Variants in CDKL1 observed in about 807,000 individuals in gnomAD.
CDKL1 encodes cyclin-dependent kinase-like 1.
A neutral mutation model predicts 42.0 loss-of-function variants in CDKL1; 41 were observed. The observed-to-expected ratio is 0.98, with a 90% CI of 0.76 to 1.27. The LOEUF is 1.27. CDKL1 is among the 50% of genes most tolerant of loss of function. The pLI is 0.00. For missense variants in CDKL1, 394 were observed against 428.4 expected, an observed-to-expected ratio of 0.92 and a Z score of 0.71; for synonymous variants, 153 against 158.6, an observed-to-expected ratio of 0.96 and a Z score of 0.26.
chr14:50,396,255 A>T lies in CDKL1; in HGVS notation c.-387T>A. On this transcript the variant is annotated 5_prime_UTR_variant, in exon 2 of 10. Coordinates refer to ENST00000395834, the MANE Select transcript of CDKL1 (RefSeq NM_004196.7). The stretch of plus-strand genomic sequence containing the variant: ...AAGAAAGGATCTTCACATAGTTTGA[A>T]AACGTCGCTTATAAAATATTGGCAC... The T allele has an allele frequency of 9.7e-7, 1 of 1,027,936 alleles. No individual in the cohort carries two copies. The highest frequency in any genetic ancestry group is 1.2e-6 in the Non-Finnish European group (1 of 857,186). The allele number at this position is 1,027,936 out of a possible 1,614,324, so 63.7% of individuals were successfully genotyped here.
intron 8 of CDKL1, 59 bp downstream of exon 8, chr14:50,334,506 T>C: frequency 2.2e-6 from 2 of 929,842 alleles, no homozygotes; most frequent in Non-Finnish European, 3.5e-6. Context: ...GTAATTCAGA[T>C]TCCCCAGTGA....
Position 50,395,746 on chromosome 14 carries a change from G to T in CDKL1, c.123C>A (p.Asp41Glu), listed in dbSNP as rs182019711. The T allele has an allele frequency of 6.8e-6, 11 of 1,613,758 alleles. No homozygotes were observed. The African/African-American group carries it at 1.5e-4, about 22-fold the overall frequency. ...AIKKFLESED[D>E]PVIKKIALRE... ...GAAGGGCAATTTTCTTTATGACAGG[G>T]TCATCTTCTGATTCCAGAAACTTCT... The change falls in exon 2 of 10, where the codon GAC becomes GAA. Residue 41 changes from aspartate (D) to glutamate (E), a missense_variant. Transcript: ENST00000395834.
chr14:50,341,319 C>G (rs1206511460), intron 5 of CDKL1, 87 bp from the exon 6 acceptor site: 6 of 1,469,348 alleles, frequency 4.1e-6, no homozygotes, highest in Non-Finnish European at 5.4e-6. Flanking sequence ...CAAGCCTGTG[C>G]CCAATTTTGT....
rs374407151 is a variant in CDKL1, at chr14:50,386,501, C to T, written c.168+9200G>A. Among the ~76,000 whole-genome samples, 10 of 152,116 alleles carry T rather than the reference C, an allele frequency of 6.6e-5. No individual in the cohort carries two copies. The South Asian group carries it at 1.4e-3, about 22-fold the overall frequency. On this transcript the variant is annotated intron_variant, in intron 2 of 9. Coordinates refer to ENST00000395834, the MANE Select transcript of CDKL1 (RefSeq NM_004196.7). ...TCTAACAGTTGATGAACTAATCTAG[C>T]GAAGGGTATGCAGGTATTCATTGCA... is the stretch of plus-strand genomic sequence containing the variant.
chr14:50,393,244 T>C (rs907340439), intron 2 of CDKL1, among the ~76,000 whole-genome samples: 2 of 152,134 alleles, frequency 1.3e-5, no homozygotes, highest in African/African-American at 4.8e-5. Flanking sequence ...CAGGCAAGGG[T>C]ACACATGCCC....
chr14:50,396,185 CAAAAAAAAAA>C lies in CDKL1; in HGVS notation c.-327_-318del, dbSNP rs55765101. 4.9e-4 allele frequency: 422 copies of C among 861,698 alleles called. No homozygotes were observed. The highest frequency in any genetic ancestry group is 1.3e-3 in the African/African-American group (50 of 37,496). 53.4% of individuals were successfully genotyped at this position (861,698 alleles called of 1,614,324 possible). A position where few individuals can be genotyped will look rare whatever the true frequency, so the allele number is the denominator to read the frequency against. ...CGGGCGACAGAGCGAGATTCCGTCT[CAAAAAAAAAA>C]AAAAAAAAAAAAAAAAAAGAAAGAA... On this transcript the variant is annotated 5_prime_UTR_variant, in exon 2 of 10. Transcript: ENST00000395834.
chr14:50,383,962 A>C (rs1259630991), intron 2 of CDKL1, among the ~76,000 whole-genome samples: 1 of 152,258 alleles, frequency 6.6e-6, no homozygotes, highest in East Asian at 1.9e-4. Context: ...TCAAGAGCTC[A>C]ACCAAAAATC....
intron 3 of CDKL1, among the ~76,000 whole-genome samples, chr14:50,351,827 GA>G (rs2033914042): frequency 1.3e-5 from 2 of 151,982 alleles, no homozygotes; most frequent in South Asian, 4.1e-4. Flanking sequence ...TTAATTTGAG[GA>G]AAAAGTACAA....
At chr14:50,336,349 T>C (rs1286870821) in intron 7 of CDKL1, 1 of 895,102 alleles carries the variant, frequency 1.1e-6, no homozygotes, top group African/African-American at 1.8e-5. Flanking sequence ...ACCTGGGTTA[T>C]TTCTGAGGCT....
In CDKL1 at chr14:50,332,016, A is replaced by G. The variant is rs772665635; in HGVS notation, c.966+246T>C. 3.9e-6 allele frequency: 6 copies of G among 1,535,906 alleles called. No homozygotes were observed. The African/African-American group carries it at 4.1e-5, about 11-fold the overall frequency. ...ATGTACCTTGTTGAGACCTGTGCTC[A>G]TGCAGGCTGGAAACCCTGGCCCCTG... is the stretch of plus-strand genomic sequence containing the variant. On this transcript the variant is annotated intron_variant, in intron 9 of 9. Transcript: ENST00000395834.
intron 2 of CDKL1, among the ~76,000 whole-genome samples, chr14:50,374,501 A>G (rs989509443): frequency 2.6e-5 from 4 of 152,236 alleles, no homozygotes; most frequent in African/African-American, 9.6e-5. Flanking sequence ...TATATTACAA[A>G]TGTATGAAAC....
At position 50,374,664 on chromosome 14, in the gene CDKL1, T is replaced by A. The variant is rs188517091; in HGVS notation, c.169-15515A>T. On this transcript the variant is annotated intron_variant, in intron 2 of 9. Coordinates refer to ENST00000395834, the MANE Select transcript of CDKL1 (RefSeq NM_004196.7). The stretch of plus-strand genomic sequence containing the variant: ...ACATCAGTATGAACTCTTGTTTAGC[T>A]TAATAAAGATACAGATGATTACATA... Among the ~76,000 whole-genome samples the A allele has an allele frequency of 5.9e-5, 9 of 152,332 alleles. No individual in the cohort carries two copies. In the East Asian group the frequency reaches 1.7e-3, roughly 29 times the overall value.
chr14:50,381,143 A>G (rs6572667), intron 2 of CDKL1, among the ~76,000 whole-genome samples: 125,007 of 152,128 alleles, frequency 0.82, 51,736 homozygotes, highest in African/African-American at 0.9. Context: ...GACCCAGGAC[A>G]AGAGGGAACT....
chr14:50,327,709 C>G lies in CDKL1; in HGVS notation c.*2365G>C, dbSNP rs964411244. ...TGAACTCCTAACCTCAGGATCCACCCGCCTCGGCCTCCCAAAGTGCTGGGA... is the reference window on the plus strand; with the variant it reads ...TGAACTCCTAACCTCAGGATCCACCGGCCTCGGCCTCCCAAAGTGCTGGGA... On this transcript the variant is annotated 3_prime_UTR_variant, in exon 10 of 10. Transcript: ENST00000395834. 1.3e-5 allele frequency: 2 copies of G among 152,046 alleles called. No individual in the cohort carries two copies. The highest frequency in any genetic ancestry group is 4.8e-5 in the African/African-American group (2 of 41,404). The allele number at this position is 152,046 out of a possible 1,614,324, so 9.4% of individuals were successfully genotyped here. A position where few individuals can be genotyped will look rare whatever the true frequency, so the allele number is the denominator to read the frequency against.
intron 2 of CDKL1, among the ~76,000 whole-genome samples, chr14:50,369,025 C>A (rs184471511): frequency 6.6e-6 from 1 of 151,860 alleles, no homozygotes; most frequent in South Asian, 2.1e-4. Flanking sequence ...CACCACCATG[C>A]CTGGCTAATT....
chr14:50,332,627 TAGA>T (rs1566570449), intron 8 of CDKL1, 195 bp from the exon 9 acceptor site: 1 of 1,513,804 alleles, frequency 6.6e-7, no homozygotes, highest in Admixed American at 2.0e-5. Flanking sequence ...AAATAGTTTC[TAGA>T]AGTAGTAATG....
At chr14:50,377,484 C>G (rs934486002) in intron 2 of CDKL1, 7 of 846,452 alleles carry the variant, frequency 8.3e-6, no homozygotes, top group Non-Finnish European at 1.1e-5. Context: ...TCCTAACACA[C>G]AGTTCCTGTC....
intron 2 of CDKL1, among the ~76,000 whole-genome samples, chr14:50,372,678 G>C (rs2034622895): frequency 6.6e-6 from 1 of 152,142 alleles, no homozygotes; most frequent in Non-Finnish European, 1.5e-5. Context: ...TACAGTTTAA[G>C]TCTTTAATCT....
intron 2 of CDKL1, among the ~76,000 whole-genome samples, chr14:50,378,829 G>A (rs1375906433): frequency 2.0e-5 from 3 of 151,034 alleles, no homozygotes; most frequent in African/African-American, 7.3e-5. Context: ...GGGATACTGT[G>A]AGACACTGTG....
Sources: allele counts gnomAD v4.1 joint callset (sites outside exome capture counted in the v4.1 genomes callset), GRCh38; gene constraint gnomAD v4.1.1; transcripts MANE v1.5; gene names NCBI Gene and HGNC (gene_info 2026-07-23, HGNC 2026-07-21).